RAI14: variants seen among roughly 807,000 people sequenced by gnomAD.
The protein encoded by RAI14 is retinoic acid induced 14.
Under a neutral mutation model 115.4 loss-of-function variants are expected in RAI14, and 45 were observed. That is an observed-to-expected ratio of 0.39 (90% CI 0.31 to 0.50). RAI14 has a LOEUF of 0.50. Among genes scored for constraint, RAI14 ranks in the 20% least tolerant of loss-of-function variants. RAI14 has a pLI of 0.85. For synonymous variants in RAI14, 371 were observed against 415.4 expected (o/e 0.89, Z 1.30); for missense variants, 939 against 1,131.2 (o/e 0.83, Z 2.44).
intron 2 of RAI14, among the ~76,000 whole-genome samples, chr5:34,691,995 G>A (rs1738659687): frequency 6.6e-6 from 1 of 152,182 alleles, no homozygotes; most frequent in Non-Finnish European, 1.5e-5. Flanking sequence ...GGGTGTGGTG[G>A]CTCACACCTG....
Position 34,688,646 on chromosome 5 carries a change from G to T in RAI14, c.36+1691G>T, listed in dbSNP as rs181545756. Among the ~76,000 whole-genome samples the T allele has an allele frequency of 1.5e-4, 23 of 152,298 alleles. No individual in the cohort carries two copies. In the East Asian group the frequency reaches 4.4e-3, roughly 29 times the overall value. On this transcript the variant is annotated intron_variant, in intron 2 of 17. Coordinates refer to ENST00000265109, the MANE Select transcript of RAI14 (RefSeq NM_015577.3). ...AGAAGAAATGTTGAGAAGCAGACCTGGGGGAGGAGAGCCTGGGGAGGAGGA... is the reference window on the plus strand; with the variant it reads ...AGAAGAAATGTTGAGAAGCAGACCTTGGGGAGGAGAGCCTGGGGAGGAGGA...
intron 3 of RAI14, among the ~76,000 whole-genome samples, chr5:34,766,475 G>A (rs367891549): frequency 4.6e-5 from 7 of 152,120 alleles, no homozygotes; most frequent in South Asian, 4.1e-4. Context: ...TGATTGCCCC[G>A]CTGGATTTCA....
At chr5:34,745,012 C>G (rs181161394) in intron 2 of RAI14, among the ~76,000 whole-genome samples, 222 of 152,274 alleles carry the variant, frequency 1.5e-3, no homozygotes, top group Non-Finnish European at 2.2e-3. Context: ...CTTTGAGTCT[C>G]TCTCTCCTTA....
intron 2 of RAI14, among the ~76,000 whole-genome samples, chr5:34,707,644 T>C (rs1435427845): frequency 6.6e-6 from 1 of 152,146 alleles, no homozygotes; most frequent in African/African-American, 2.4e-5. Flanking sequence ...CCCCCAGGCA[T>C]CTGGGGGAAA....
intron 2 of RAI14, among the ~76,000 whole-genome samples, chr5:34,704,397 A>T (rs1309566059): frequency 6.6e-6 from 1 of 152,172 alleles, no homozygotes; most frequent in African/African-American, 2.4e-5. Context: ...TAATTACTTG[A>T]CTGAATAGCT....
rs115546363 is a variant in RAI14, at chr5:34,737,824, G to T, written c.37-19644G>T. Among the ~76,000 whole-genome samples, 9 of 152,236 alleles carry T rather than the reference G, an allele frequency of 5.9e-5. No individual in the cohort carries two copies. The South Asian group carries it at 1.5e-3, about 25-fold the overall frequency. On this transcript the variant is annotated intron_variant, in intron 2 of 17. Coordinates refer to ENST00000265109, the MANE Select transcript of RAI14 (RefSeq NM_015577.3). ...TGGATTCCTCAATCTGCTCTTTGCT[G>T]CTTCCAACACATTTTAAATTTGGCA... is the stretch of plus-strand genomic sequence containing the variant.
At chr5:34,677,648 T>C (rs1744085499) in intron 1 of RAI14, among the ~76,000 whole-genome samples, 1 of 152,150 alleles carries the variant, frequency 6.6e-6, no homozygotes, top group Non-Finnish European at 1.5e-5. Flanking sequence ...GATCTCACTA[T>C]GTTGCCCAGG....
intron 15 of RAI14, 42 bp from the exon 16 acceptor site, chr5:34,826,288 G>C: frequency 6.4e-7 from 1 of 1,573,074 alleles, no homozygotes; most frequent in Admixed American, 1.8e-5. Context: ...TTGCTTTGTA[G>C]ACATGTTACT....
intron 2 of RAI14, among the ~76,000 whole-genome samples, chr5:34,736,171 C>T (rs763448444): frequency 3.3e-5 from 5 of 152,194 alleles, no homozygotes; most frequent in African/African-American, 4.8e-5. Flanking sequence ...GAGGCCAAGG[C>T]GGGCGGATCA....
At chr5:34,815,548 G>A (rs923764581) in intron 12 of RAI14, among the ~76,000 whole-genome samples, 2 of 152,180 alleles carry the variant, frequency 1.3e-5, no homozygotes, top group Non-Finnish European at 2.9e-5. Flanking sequence ...GGGCGACAGA[G>A]CGAGTGTCTT....
chr5:34,818,709 C>A, intron 12 of RAI14, 88 bp from the exon 13 acceptor site: 1 of 1,100,656 alleles, frequency 9.1e-7, no homozygotes, highest in Non-Finnish European at 1.4e-6. Context: ...ATCTGCTCTG[C>A]GTAAGCTCAA....
rs34757436 is a variant in RAI14 at position 34,823,234 on chromosome 5, A to C, written c.1392A>C (p.Ala464=). Residue 464 remains alanine (A), a synonymous_variant, in exon 15 of 18, where the codon GCA becomes GCC. Transcript: ENST00000265109. This position sits in a 1 kb window ranked among gnomAD's most constrained non-coding sequence, Gnocchi z 4.5. Reference sequence around the variant, plus strand: ...AGGTCGAACTCCAATCCCGAAGGGCAGAACTGGTATGCTTAAACAACACTG... The same window carrying C: ...AGGTCGAACTCCAATCCCGAAGGGCCGAACTGGTATGCTTAAACAACACTG... ...QLQVELQSRR[A]ELVCLNNTEI... 1.9e-3 allele frequency: 3,093 copies of C among 1,614,144 alleles called. 5 individuals carry two copies. Among genetic ancestry groups the C allele is most frequent in the Admixed American group, 4.0e-3 (242 of 60,026 alleles).
At chr5:34,680,027 G>A (rs1346466329) in intron 1 of RAI14, among the ~76,000 whole-genome samples, 2 of 152,136 alleles carry the variant, frequency 1.3e-5, no homozygotes, top group African/African-American at 4.8e-5. Context: ...AATGGCCAGG[G>A]CTCAAGTTCA....
At chr5:34,785,035 C>T (rs976016004) in intron 3 of RAI14, among the ~76,000 whole-genome samples, 2 of 152,284 alleles carry the variant, frequency 1.3e-5, no homozygotes, top group African/African-American at 4.8e-5. Context: ...AATCAGTTAA[C>T]ATTCTCCATT....
At chr5:34,665,466 A>G (rs1743131269) in intron 1 of RAI14, among the ~76,000 whole-genome samples, 1 of 150,186 alleles carries the variant, frequency 6.7e-6, no homozygotes, top group East Asian at 1.9e-4. Context: ...AGGGCAGCAC[A>G]GAGTAAAGTG....
chr5:34,657,627 T>A (rs1742380826), intron 1 of RAI14, among the ~76,000 whole-genome samples: 1 of 152,218 alleles, frequency 6.6e-6, no homozygotes, highest in African/African-American at 2.4e-5. Flanking sequence ...GGGGTGGGAT[T>A]CCGTCTTCCT....
intron 2 of RAI14, among the ~76,000 whole-genome samples, chr5:34,750,759 C>T (rs968637032): frequency 2.0e-5 from 3 of 151,936 alleles, no homozygotes; most frequent in Admixed American, 6.6e-5. Flanking sequence ...AGAATGGCCC[C>T]GGGTGTCCCT....
chr5:34,746,458 G>T (rs334922), intron 2 of RAI14, among the ~76,000 whole-genome samples: 1 of 150,220 alleles, frequency 6.7e-6, no homozygotes, highest in African/African-American at 2.5e-5. Flanking sequence ...AGGCTGGAGT[G>T]CAGTGGTGTG....
chr5:34,750,593 G>A (rs1362199025), intron 2 of RAI14, among the ~76,000 whole-genome samples: 1 of 152,120 alleles, frequency 6.6e-6, no homozygotes, highest in Non-Finnish European at 1.5e-5. Flanking sequence ...TATGTGTTTT[G>A]TATGCCTCAA....
Sources: gnomAD v4.1 joint callset for allele counts (sites outside exome capture counted in the v4.1 genomes callset) on GRCh38, gnomAD v4.1.1 for gene constraint, Gnocchi (gnomAD v3.1) non-coding constraint, MANE v1.5 for transcripts, NCBI Gene and HGNC (gene_info 2026-07-23, HGNC 2026-07-21) for gene names.